Variants in XRCC1 observed in about 807,000 individuals in gnomAD.
The protein encoded by XRCC1 is X-ray repair cross complementing 1.
Under a neutral mutation model 83.3 loss-of-function variants are expected in XRCC1, and 52 were observed. The ratio of observed to expected loss-of-function variants is 0.62; its 90% confidence interval spans 0.50 to 0.79. The LOEUF (loss-of-function observed/expected upper bound fraction) is 0.79, where lower values mean the gene tolerates loss of function less well. Among genes scored for constraint, XRCC1 ranks in the 30% least tolerant of loss-of-function variants. The pLI, the probability that XRCC1 is intolerant of heterozygous loss-of-function variation, is 0.00. For synonymous variants in XRCC1, 281 were observed against 312.6 expected (o/e 0.90, Z 1.07); for missense variants, 793 against 823.5 (o/e 0.96, Z 0.45).
rs1447998656 is a variant in XRCC1, at chr19:43,566,823, G to A, written c.145-5803C>T. 4.9e-5 allele frequency among the ~76,000 whole-genome samples: 7 copies of A among 141,800 alleles called. No individual in the cohort carries two copies. In the Admixed American group the frequency reaches 5.3e-4, roughly 11 times the overall value. 93.0% of individuals were successfully genotyped at this position (141,800 alleles called of 152,430 possible). A position where few individuals can be genotyped will look rare whatever the true frequency, so the allele number is the denominator to read the frequency against. On this transcript the variant is annotated intron_variant, in intron 2 of 16. Transcript: ENST00000262887. Reference sequence around the variant, plus strand: ...GAACCTGGGAAGCAGAGGTTGCAGTGAGCCGAGATTGCACCACTGCATTCC... The same window carrying A: ...GAACCTGGGAAGCAGAGGTTGCAGTAAGCCGAGATTGCACCACTGCATTCC...
At chr19:43,572,246 T>TG (rs1972812603) in intron 2 of XRCC1, among the ~76,000 whole-genome samples, 1 of 152,182 alleles carries the variant, frequency 6.6e-6, no homozygotes, top group Non-Finnish European at 1.5e-5. Context: ...GAGAGCCCAG[T>TG]GGAATCATCA....
chr19:43,562,025 A>G (rs900644722), intron 2 of XRCC1, among the ~76,000 whole-genome samples: 4 of 151,858 alleles, frequency 2.6e-5, no homozygotes, highest in Admixed American at 2.0e-4. Flanking sequence ...ACATGCCTGT[A>G]GTCCCAGCTC....
At chr19:43,573,622 G>A (rs188753028) in intron 2 of XRCC1, among the ~76,000 whole-genome samples, 5 of 152,150 alleles carry the variant, frequency 3.3e-5, no homozygotes, top group East Asian at 3.9e-4. Context: ...CCTGTCATCC[G>A]AGCACTTTGG....
chr19:43,550,898 G>C (rs1600046441), intron 10 of XRCC1, among the ~76,000 whole-genome samples: 1 of 152,340 alleles, frequency 6.6e-6, no homozygotes, highest in East Asian at 1.9e-4. Flanking sequence ...AAGCCTTCAA[G>C]GGCAGGGCTC....
chr19:43,553,575 G>C (rs752868384), intron 5 of XRCC1, 34 bp downstream of exon 5: 1 of 1,612,770 alleles, frequency 6.2e-7, no homozygotes, highest in East Asian at 2.2e-5. Context: ...GAGAGGCAGG[G>C]AGAAGGCCAT....
intron 1 of XRCC1, 136 bp downstream of exon 1, chr19:43,575,272 C>T (rs2146077113): frequency 9.5e-7 from 1 of 1,051,246 alleles, no homozygotes; most frequent in East Asian, 2.6e-5. Context: ...AACATCTCTC[C>T]ACAATTCACT....
chr19:43,573,290 T>C (rs1026060946), intron 2 of XRCC1, among the ~76,000 whole-genome samples: 2 of 152,016 alleles, frequency 1.3e-5, no homozygotes, highest in East Asian at 3.9e-4. Flanking sequence ...GTCTCTTCCA[T>C]GAGATTCCAC....
At chr19:43,556,782 T>TG (rs1972640553) in intron 3 of XRCC1, among the ~76,000 whole-genome samples, 1 of 149,110 alleles carries the variant, frequency 6.7e-6, no homozygotes, top group Admixed American at 6.7e-5. Flanking sequence ...TTAAGCCTGG[T>TG]GGACAAGAGG....
At chr19:43,548,770 A>AAAAAAAAAAAAAAAAAAAAAAAAAAAAAC (rs1972545447) in intron 10 of XRCC1, among the ~76,000 whole-genome samples, 1 of 122,882 alleles carries the variant, frequency 8.1e-6, no homozygotes, top group Non-Finnish European at 1.7e-5. Flanking sequence ...AATGATCAAA[A>AAAAAAAAAAAAAAAAAAAAAAAAAAAAAC]AAAAAAAAAA....
intron 3 of XRCC1, among the ~76,000 whole-genome samples, chr19:43,558,367 A>G (rs3213334): frequency 0.79 from 120,009 of 151,934 alleles, 47,544 homozygotes; most frequent in East Asian, 0.89. Context: ...TACACACAGC[A>G]GCTCACATGT....
intron 14 of XRCC1, among the ~76,000 whole-genome samples, chr19:43,545,011 C>T (rs1488367707): frequency 6.6e-6 from 1 of 152,186 alleles, no homozygotes; most frequent in Non-Finnish European, 1.5e-5. Context: ...ACTTCTTCAC[C>T]TTTGCTCTCC....
chr19:43,544,922 T>C lies in XRCC1; in HGVS notation c.1622-688A>G, dbSNP rs150165447. Among the ~76,000 whole-genome samples, 1,149 of 152,228 alleles carry C rather than the reference T, an allele frequency of 7.5e-3. 9 individuals are homozygous for C. The highest frequency in any genetic ancestry group is 0.025 in the African/African-American group (1,018 of 41,540). Reference sequence around the variant, plus strand: ...GTCCTCCCACCTCGGCCTCTCAAAGTACGGGGTGAGCCACCACGCCTGGCC... The same window carrying C: ...GTCCTCCCACCTCGGCCTCTCAAAGCACGGGGTGAGCCACCACGCCTGGCC... On this transcript the variant is annotated intron_variant, in intron 14 of 16. Transcript: ENST00000262887.
chr19:43,545,898 G>A lies in XRCC1; in HGVS notation c.1541C>T (p.Pro514Leu), dbSNP rs25474. 1.2e-4 allele frequency: 193 copies of A among 1,613,936 alleles called. 1 individual carries two copies. The South Asian group carries it at 1.3e-3, about 11-fold the overall frequency. Residue 514 changes from proline (P) to leucine (L), a missense_variant, in exon 14 of 17, where the codon CCG becomes CTG. Transcript: ENST00000262887. ...GTTCTCATCCGTGGAGCCTGCATAC[G>A]GGTCTTCCCCATTCTCCTCCTGGCC... ...PPGQEENGED[P>L]YAGSTDENTD...
At position 43,546,088 on chromosome 19, in the gene XRCC1, G is replaced by A. The variant is rs779255642; in HGVS notation, c.1445C>T (p.Ala482Val). ...ATCCTCTGTGTCCCCAGAATCTTCC[G>A]CCCCATTGTCCTGTCCTTCTGCAAG... ...GVQSEGQDNG[A>V]EDSGDTEDEL... Residue 482 changes from alanine (A) to valine (V), a missense_variant, in exon 13 of 17, where the codon GCG becomes GTG. By Grantham distance (64) the Ala-to-Val change is moderately conservative. Transcript: ENST00000262887. 6.8e-6 allele frequency: 11 copies of A among 1,609,870 alleles called. No homozygotes were observed. Among genetic ancestry groups the A allele is most frequent in the South Asian group, 1.1e-5 (1 of 90,940 alleles).
intron 2 of XRCC1, among the ~76,000 whole-genome samples, chr19:43,562,973 G>T (rs1972715576): frequency 6.6e-6 from 1 of 152,226 alleles, no homozygotes; most frequent in Non-Finnish European, 1.5e-5. Context: ...TAACTTCACA[G>T]CTGGTGGGTG....
chr19:43,545,180 G>A (rs747822375), intron 14 of XRCC1, among the ~76,000 whole-genome samples: 8 of 152,114 alleles, frequency 5.3e-5, no homozygotes, highest in Non-Finnish European at 1.0e-4. Context: ...GGGTGGAAAC[G>A]GCTCTTCTGG....
chr19:43,573,717 C>CA (rs958310927), intron 2 of XRCC1, among the ~76,000 whole-genome samples: 5 of 151,072 alleles, frequency 3.3e-5, no homozygotes, highest in African/African-American at 9.7e-5. Context: ...TAAAAAAATA[C>CA]AAAAAAAACT....
chr19:43,547,485 CTTT>C (rs71169260), intron 10 of XRCC1, among the ~76,000 whole-genome samples: 5 of 140,082 alleles, frequency 3.6e-5, no homozygotes, highest in Admixed American at 7.2e-5. Flanking sequence ...CTCCTGGCCG[CTTT>C]TTTTTTTTTT....
Position 43,546,041 on chromosome 19 carries a change from C to T in XRCC1, c.1481+11G>A, listed in dbSNP as rs746890660. The stretch of plus-strand genomic sequence containing the variant: ...GGCCAGGGACACCCCAACCCCCAGC[C>T]CCAGCCCTACCTCCTCAGCTCATCC... On this transcript the variant is annotated intron_variant, in intron 13 of 16. Transcript: ENST00000262887. 6.2e-7 allele frequency: 1 copy of T among 1,613,916 alleles called. No individual in the cohort carries two copies. The highest frequency in any genetic ancestry group is 8.5e-7 in the Non-Finnish European group (1 of 1,179,884).
Sources: allele counts gnomAD v4.1 joint callset (sites outside exome capture counted in the v4.1 genomes callset), GRCh38; gene constraint gnomAD v4.1.1; transcripts MANE v1.5; gene names NCBI Gene and HGNC (gene_info 2026-07-23, HGNC 2026-07-21).